The following RBBP6 variants were observed in gnomAD, a reference collection of about 807,000 sequenced individuals.
RBBP6 encodes the protein RB binding protein 6, ubiquitin ligase.
RBBP6 carries 25 observed loss-of-function variants against 167.7 expected under a neutral mutation model. That is an observed-to-expected ratio of 0.15 (90% CI 0.11 to 0.21). The LOEUF (loss-of-function observed/expected upper bound fraction) is 0.21. Ranked by LOEUF, RBBP6 falls within the 10% of genes least tolerant of loss-of-function variation. The pLI, the probability that RBBP6 is intolerant of heterozygous loss-of-function variation, is 1.00. For synonymous variants in RBBP6, 789 were observed against 735.8 expected (o/e 1.07, Z -1.17); for missense variants, 1,868 against 2,134.2 (o/e 0.88, Z 2.46).
intron 1 of RBBP6, among the ~76,000 whole-genome samples, chr16:24,545,153 C>G (rs565703219): frequency 2.0e-5 from 3 of 152,236 alleles, no homozygotes; most frequent in South Asian, 2.1e-4. Flanking sequence ...TCTCGGCTCA[C>G]TGCAGCCTCC....
chr16:24,563,186 A>G lies in RBBP6; in HGVS notation c.1290-13A>G. Reference sequence around the variant, plus strand: ...GATAATTTTTAATGTATTATAATTTATGTTTTTTAAAGGGATTCTGATAAT... The same window carrying G: ...GATAATTTTTAATGTATTATAATTTGTGTTTTTTAAAGGGATTCTGATAAT... On this transcript the variant is annotated splice_polypyrimidine_tract_variant and intron_variant, in intron 10 of 17. Transcript: ENST00000319715. 1 of 1,582,060 alleles carries G rather than the reference A, an allele frequency of 6.3e-7. No homozygotes were observed. Among genetic ancestry groups the G allele is most frequent in the Non-Finnish European group, 8.6e-7 (1 of 1,160,644 alleles).
In RBBP6 at chr16:24,570,062, A is replaced by T. The variant is rs757767165; in HGVS notation, c.3372A>T (p.Thr1124=). 1 of 1,608,880 alleles carries T rather than the reference A, an allele frequency of 6.2e-7. No homozygotes were observed. Among genetic ancestry groups the T allele is most frequent in the Non-Finnish European group, 8.5e-7 (1 of 1,178,920 alleles). ...YSKDVKSEKL[T]TKEEKAKKPN... ...AAGATGTCAAATCAGAAAAGCTAAC[A>T]ACTAAGGAAGAAAAGGCCAAGAAGC... is the stretch of plus-strand genomic sequence containing the variant. Residue 1124 remains threonine (T), a synonymous_variant, in exon 17 of 18, where the codon ACA becomes ACT. Transcript: ENST00000319715.
chr16:24,549,070 A>G (rs201348556), intron 3 of RBBP6, 89 bp downstream of exon 3: 57 of 1,557,720 alleles, frequency 3.7e-5, no homozygotes, highest in Non-Finnish European at 4.9e-5. Context: ...AGAACTTAAT[A>G]TCCAACTGAT....
At chr16:24,548,902 A>G (rs754677047) in intron 2 of RBBP6, 43 bp from the exon 3 acceptor site, 5 of 1,504,952 alleles carry the variant, frequency 3.3e-6, no homozygotes, top group Non-Finnish European at 4.6e-6. Context: ...ACAAAAATTC[A>G]TAAATAGCTA....
At position 24,570,411 on chromosome 16, in the gene RBBP6, A is replaced by G; in HGVS notation, c.3721A>G (p.Lys1241Glu). The G allele has an allele frequency of 6.2e-7, 1 of 1,610,942 alleles. No homozygotes were observed. The change falls in exon 17 of 18, where the codon AAA (lysine) becomes GAA (glutamate). Residue 1241 changes from lysine to glutamate, a missense_variant. Coordinates refer to ENST00000319715, the MANE Select transcript of RBBP6 (RefSeq NM_006910.5). ...PSEKLESTSS[K>E]VKQEKVKGKV... is the part of the protein sequence containing the mutation. Reference sequence around the variant, plus strand: ...TGAAAAATTGGAGTCAACATCTAGCAAAGTTAAACAAGAAAAAGTCAAAGG... The same window carrying G: ...TGAAAAATTGGAGTCAACATCTAGCGAAGTTAAACAAGAAAAAGTCAAAGG...
At chr16:24,554,633 A>G (rs924155251) in intron 4 of RBBP6, 4 of 152,116 alleles carry the variant, frequency 2.6e-5, no homozygotes, top group Non-Finnish European at 5.9e-5. Flanking sequence ...GTGGTTTAGT[A>G]TAGAGTTAAC....
Position 24,572,795 on chromosome 16 carries a change from G to A in RBBP6, c.*350G>A, listed in dbSNP as rs963466121. On this transcript the variant is annotated 3_prime_UTR_variant, in exon 18 of 18. Transcript: ENST00000319715. ...TTCTAAAATATCAGCAGAATGATTT[G>A]CTGAATTCATTACAACCCTGTTATG... The A allele has an allele frequency of 5.3e-6, 1 of 188,740 alleles. No individual in the cohort carries two copies. Among genetic ancestry groups the A allele is most frequent in the African/African-American group, 2.4e-5 (1 of 42,266 alleles). 11.7% of individuals were successfully genotyped at this position (188,740 alleles called of 1,614,324 possible).
intron 1 of RBBP6, among the ~76,000 whole-genome samples, chr16:24,544,835 G>T (rs545018252): frequency 6.6e-6 from 1 of 152,040 alleles, no homozygotes; most frequent in Non-Finnish European, 1.5e-5. Flanking sequence ...CTGTTTATCC[G>T]ATGACTGAAG....
chr16:24,542,159 G>A (rs748030526), intron 1 of RBBP6, among the ~76,000 whole-genome samples: 4 of 152,164 alleles, frequency 2.6e-5, no homozygotes, highest in Non-Finnish European at 4.4e-5. Flanking sequence ...CCTAAGGAGA[G>A]GAAAAACTGG....
At position 24,570,444 on chromosome 16, in the gene RBBP6, A is replaced by G. The variant is rs146055979; in HGVS notation, c.3754A>G (p.Arg1252Gly). ...ACAAGAAAAAGTCAAAGGAAAGGTC[A>G]GACGAAAAGTGACTGGAACTGAAGG... ...VKQEKVKGKVRRKVTGTEGSS... is the reference protein window; with the variant it reads ...VKQEKVKGKVGRKVTGTEGSS... The change falls in exon 17 of 18, where the codon AGA becomes GGA. Residue 1252 changes from arginine (R) to glycine (G), a missense_variant. Transcript: ENST00000319715. The G allele has an allele frequency of 2.5e-6, 4 of 1,604,320 alleles. No individual in the cohort carries two copies. The highest frequency in any genetic ancestry group is 3.3e-4 in the Middle Eastern group (2 of 5,992).
rs377662246 is a variant in RBBP6 at position 24,539,879 on chromosome 16, G to C, written c.-748G>C. On this transcript the variant is annotated 5_prime_UTR_variant, in exon 1 of 18. Transcript: ENST00000319715. ...GCCCGGGGTGGTGAGGAAGTGCTCC[G>C]AGGCCTCGCCGAGGCCTAGCGCCGG... The C allele has an allele frequency of 8.5e-5, 13 of 152,996 alleles. No homozygotes were observed. Among genetic ancestry groups the C allele is most frequent in the African/African-American group, 2.6e-4 (11 of 41,548 alleles). 9.5% of individuals were successfully genotyped at this position (152,996 alleles called of 1,614,324 possible).
intron 16 of RBBP6, 42 bp downstream of exon 16, chr16:24,567,935 A>C (rs749835739): frequency 5.5e-5 from 82 of 1,492,952 alleles, no homozygotes; most frequent in Non-Finnish European, 7.3e-5. Flanking sequence ...TACAAACGGG[A>C]CTTTGAATAT....
In RBBP6 at chr16:24,541,181, CAA is replaced by C. The variant is rs751954607; in HGVS notation, c.166+399_166+400del. On this transcript the variant is annotated intron_variant, in intron 1 of 17. Coordinates refer to ENST00000319715, the MANE Select transcript of RBBP6 (RefSeq NM_006910.5). The stretch of plus-strand genomic sequence containing the variant: ...GTGCAAAGCTTGTTTGTTCAATCAG[CAA>C]AAAAAAAAACAAAAAAAAAACCAAA... Among the ~76,000 whole-genome samples, 56 of 58,044 alleles carry C rather than the reference CAA, an allele frequency of 9.6e-4. 3 individuals are homozygous for C. Among genetic ancestry groups the C allele is most frequent in the Admixed American group, 1.8e-3 (9 of 4,876 alleles). 38.1% of individuals were successfully genotyped at this position (58,044 alleles called of 152,430 possible). A position where few individuals can be genotyped will look rare whatever the true frequency, so the allele number is the denominator to read the frequency against.
Position 24,570,475 on chromosome 16 carries a change from G to T in RBBP6, c.3785G>T (p.Ser1262Ile), listed in dbSNP as rs1899299242. 6.3e-7 allele frequency: 1 copy of T among 1,589,778 alleles called. No homozygotes were observed. Among genetic ancestry groups the T allele is most frequent in the Non-Finnish European group, 8.5e-7 (1 of 1,173,800 alleles). ...AAAGTGACTGGAACTGAAGGATCCA[G>T]CTCAACTCTGGTGGATTACACCAGG... ...RRKVTGTEGS[S>I]STLVDYTSTS... The change falls in exon 17 of 18, where the codon AGC becomes ATC. Residue 1262 changes from serine (S) to isoleucine (I), a missense_variant. Physicochemically the swap from Ser to Ile is moderately radical, Grantham distance 142. Coordinates refer to ENST00000319715, the MANE Select transcript of RBBP6 (RefSeq NM_006910.5).
intron 8 of RBBP6, among the ~76,000 whole-genome samples, chr16:24,561,215 TGA>T (rs1356258235): frequency 6.6e-6 from 1 of 152,110 alleles, no homozygotes; most frequent in Non-Finnish European, 1.5e-5. Flanking sequence ...GAATAGTCTT[TGA>T]GAAAGAGTGC....
At chr16:24,545,147 G>A (rs988961132) in intron 1 of RBBP6, among the ~76,000 whole-genome samples, 3 of 152,012 alleles carry the variant, frequency 2.0e-5, no homozygotes, top group Non-Finnish European at 4.4e-5. Context: ...GCGCGATCTC[G>A]GCTCACTGCA....
At chr16:24,542,072 A>G (rs879047278) in intron 1 of RBBP6, among the ~76,000 whole-genome samples, 1 of 152,354 alleles carries the variant, frequency 6.6e-6, no homozygotes, top group East Asian at 1.9e-4. Context: ...ATATTATGTG[A>G]AAATACTGTC....
Position 24,551,470 on chromosome 16 carries a change from T to G in RBBP6, c.304-2043T>G, listed in dbSNP as rs149446092. Among the ~76,000 whole-genome samples the G allele has an allele frequency of 4.6e-5, 7 of 151,964 alleles. No homozygotes were observed. In the East Asian group the frequency reaches 1.2e-3, roughly 25 times the overall value. Reference sequence around the variant, plus strand: ...TTGCTTTTCTAAATTTGAGGTAAATTTGACTTCTTTGTGGACTATAAGATA... The same window carrying G: ...TTGCTTTTCTAAATTTGAGGTAAATGTGACTTCTTTGTGGACTATAAGATA... On this transcript the variant is annotated intron_variant, in intron 3 of 17. Coordinates refer to ENST00000319715, the MANE Select transcript of RBBP6 (RefSeq NM_006910.5).
rs372653498 is a variant in RBBP6, at chr16:24,569,451, A to G, written c.2761A>G (p.Ser921Gly). The G allele has an allele frequency of 2.2e-5, 36 of 1,612,992 alleles. No individual in the cohort carries two copies. Among genetic ancestry groups the G allele is most frequent in the Non-Finnish European group, 2.7e-5 (32 of 1,179,808 alleles). Residue 921 changes from serine to glycine, a missense_variant, in exon 17 of 18, where the codon AGT becomes GGT. Ser to Gly is a moderately conservative substitution (Grantham distance 56). Around this residue, in one of 7 missense-constraint regions of RBBP6, gnomAD observed 673 missense variants for 691.5 expected, o/e 0.97. Coordinates refer to ENST00000319715, the MANE Select transcript of RBBP6 (RefSeq NM_006910.5). ...TAATACAAAGTCAAAAGAGAAGGAG[A>G]GTGAAAACGCTCCAGGAGATGGTAA... ...KDNTKSKEKE[S>G]ENAPGDGKGN...
Sources: gnomAD v4.1 joint callset for allele counts (sites outside exome capture counted in the v4.1 genomes callset) on GRCh38, gnomAD v4.1.1 for gene constraint, gnomAD v4.1.1 regional missense constraint, MANE v1.5 for transcripts, NCBI Gene and HGNC (gene_info 2026-07-23, HGNC 2026-07-21) for gene names.